ITGB5: variants seen among roughly 807,000 people sequenced by gnomAD.
ITGB5 encodes the protein integrin beta-5.
A neutral mutation model predicts 84.8 loss-of-function variants in ITGB5; 38 were observed. That is an observed-to-expected ratio of 0.45 (90% CI 0.35 to 0.59). The LOEUF (loss-of-function observed/expected upper bound fraction) is 0.59, where lower values mean the gene tolerates loss of function less well. ITGB5 is among the 20% of genes least tolerant of loss of function. ITGB5 has a pLI of 0.01. For synonymous variants in ITGB5, 393 were observed against 414.4 expected, an observed-to-expected ratio of 0.95 and a Z score of 0.63; for missense variants, 905 against 1,034.5, an observed-to-expected ratio of 0.87 and a Z score of 1.72.
intron 1 of ITGB5, among the ~76,000 whole-genome samples, chr3:124,899,853 C>CAAA (rs60859904): frequency 0.029 from 1,014 of 35,004 alleles, 412 homozygotes; most frequent in African/African-American, 0.034. Flanking sequence ...GACCCTGTCT[C>CAAA]AAAAAAAAAA....
At chr3:124,850,483 G>A (rs1469988320) in intron 3 of ITGB5, among the ~76,000 whole-genome samples, 2 of 143,508 alleles carry the variant, frequency 1.4e-5, no homozygotes, top group African/African-American at 5.2e-5. Context: ...ACTGTTCTAG[G>A]CGCCTCAGGA....
intron 5 of ITGB5, among the ~76,000 whole-genome samples, chr3:124,825,313 C>T (rs915556128): frequency 6.6e-6 from 1 of 151,954 alleles, no homozygotes; most frequent in African/African-American, 2.4e-5. Flanking sequence ...GTTACATATA[C>T]ACTTACTATC....
rs2063806105 is a variant in ITGB5 at position 124,769,070 on chromosome 3, T to C, written c.1960A>G (p.Asn654Asp). The C allele has an allele frequency of 6.2e-7, 1 of 1,614,054 alleles. No homozygotes were observed. The highest frequency in any genetic ancestry group is 8.5e-7 in the Non-Finnish European group (1 of 1,180,022). ...CLLLHSGKPDNQTCHSLCRDE... is the reference protein window; with the variant it reads ...CLLLHSGKPDDQTCHSLCRDE... Reference sequence around the variant, plus strand: ...CTGCATAGGCTGTGGCAGGTCTGGTTGTCAGGTTTCCCAGAGTGGAGCAGC... The same window carrying C: ...CTGCATAGGCTGTGGCAGGTCTGGTCGTCAGGTTTCCCAGAGTGGAGCAGC... Residue 654 changes from asparagine (N) to aspartate (D), a missense_variant, in exon 12 of 15, where the codon AAC (asparagine) becomes GAC (aspartate). Asn to Asp is a conservative substitution (Grantham distance 23). This residue lies in a region of ITGB5 where 116 missense variants were observed against 177.0 expected (regional missense o/e 0.66). Coordinates refer to ENST00000296181, the MANE Select transcript of ITGB5 (RefSeq NM_002213.5).
At chr3:124,820,443 G>A (rs1322222629) in intron 6 of ITGB5, among the ~76,000 whole-genome samples, 1 of 152,202 alleles carries the variant, frequency 6.6e-6, no homozygotes, top group African/African-American at 2.4e-5. Flanking sequence ...AGTGTCCTGA[G>A]GGATTTTGAG....
At chr3:124,880,806 G>A (rs1934531017) in intron 1 of ITGB5, among the ~76,000 whole-genome samples, 1 of 151,746 alleles carries the variant, frequency 6.6e-6, no homozygotes, top group Non-Finnish European at 1.5e-5. Flanking sequence ...GCACGTGCCT[G>A]TGATCCCAGC....
At chr3:124,823,039 C>T (rs1391766222) in intron 5 of ITGB5, among the ~76,000 whole-genome samples, 2 of 151,974 alleles carry the variant, frequency 1.3e-5, no homozygotes, top group African/African-American at 4.8e-5. Context: ...GGTGAGAGGA[C>T]GGCATGAGGC....
At chr3:124,837,720 G>A (rs1001558495) in intron 5 of ITGB5, among the ~76,000 whole-genome samples, 1 of 152,226 alleles carries the variant, frequency 6.6e-6, no homozygotes, top group Non-Finnish European at 1.5e-5. Flanking sequence ...AATCCCACAA[G>A]TTGATAACTA....
chr3:124,804,989 CCTTCT>C (rs1306463734), intron 9 of ITGB5, among the ~76,000 whole-genome samples: 2 of 151,398 alleles, frequency 1.3e-5, no homozygotes, highest in East Asian at 3.9e-4. Flanking sequence ...TTCCTTCCTT[CCTTCT>C]TTCTTTTTCT....
intron 3 of ITGB5, among the ~76,000 whole-genome samples, chr3:124,858,769 T>A (rs2065254841): frequency 6.6e-6 from 1 of 152,098 alleles, no homozygotes; most frequent in Non-Finnish European, 1.5e-5. Context: ...GCTCCCTGAT[T>A]TAAACAAAAT....
intron 1 of ITGB5, among the ~76,000 whole-genome samples, chr3:124,882,987 A>G (rs1559986807): frequency 1.3e-5 from 2 of 152,196 alleles, no homozygotes; most frequent in Non-Finnish European, 2.9e-5. Flanking sequence ...ATTCCTTTAC[A>G]TTTATAGAGG....
chr3:124,876,676 G>A (rs938618155), intron 1 of ITGB5, among the ~76,000 whole-genome samples: 1 of 152,182 alleles, frequency 6.6e-6, no homozygotes, highest in Admixed American at 6.5e-5. Flanking sequence ...CAGGGGGTGA[G>A]AACAAAGGTT....
intron 9 of ITGB5, among the ~76,000 whole-genome samples, chr3:124,799,203 C>T (rs534704801): frequency 6.6e-6 from 1 of 152,182 alleles, no homozygotes; most frequent in Non-Finnish European, 1.5e-5. Context: ...TACAGGGAGT[C>T]TCTCAAGGTG....
chr3:124,768,795 G>A (rs895900062), intron 12 of ITGB5, among the ~76,000 whole-genome samples: 3 of 152,154 alleles, frequency 2.0e-5, no homozygotes, highest in Non-Finnish European at 4.4e-5. Context: ...GTGATTCTAC[G>A]TTTGACTTTT....
intron 10 of ITGB5, among the ~76,000 whole-genome samples, chr3:124,776,986 A>G (rs542643411): frequency 6.0e-5 from 9 of 150,066 alleles, no homozygotes; most frequent in African/African-American, 2.2e-4. Flanking sequence ...GCTGCTCTTC[A>G]TTTCCCCTGG....
intron 9 of ITGB5, among the ~76,000 whole-genome samples, chr3:124,802,919 A>G (rs1323067496): frequency 6.6e-6 from 1 of 152,084 alleles, no homozygotes; most frequent in Non-Finnish European, 1.5e-5. Flanking sequence ...CAAGACAACA[A>G]CACTGGGACA....
chr3:124,809,234 G>A (rs964338937), intron 8 of ITGB5, 78 bp from the exon 9 acceptor site: 1 of 1,519,848 alleles, frequency 6.6e-7, no homozygotes, highest in Non-Finnish European at 9.0e-7. Context: ...GTTTTCTGAG[G>A]CCCACGTGGC....
At position 124,817,781 on chromosome 3, in the gene ITGB5, T is replaced by C. The variant is rs567831317; in HGVS notation, c.1039-71A>G. The C allele has an allele frequency of 3.5e-3, 2,955 of 848,814 alleles. 13 individuals are homozygous for C. The highest frequency in any genetic ancestry group is 4.0e-3 in the Non-Finnish European group (2,048 of 508,920). The allele number at this position is 848,814 out of a possible 1,614,324, so 52.6% of individuals were successfully genotyped here. On this transcript the variant is annotated intron_variant, in intron 7 of 14. Coordinates refer to ENST00000296181, the MANE Select transcript of ITGB5 (RefSeq NM_002213.5). ...CCAACCATCAGAGTGAGCATTGCTA[T>C]ACTGGGCTAGAACAGTAAAGGCTCC...
At chr3:124,891,593 CAAAAAAA>C, upstream of ITGB5, among the ~76,000 whole-genome samples, 1 of 103,716 alleles carries the variant, frequency 9.6e-6, no homozygotes, top group East Asian at 2.6e-4. Context: ...ATAACTGCCT[CAAAAAAA>C]AAAAAAAAAA....
At chr3:124,768,528 G>A (rs59777522) in intron 12 of ITGB5, among the ~76,000 whole-genome samples, 7,621 of 152,116 alleles carry the variant, frequency 0.05, 427 homozygotes, top group African/African-American at 0.13. Context: ...CTTTTGCTCC[G>A]CACTGTGGTC....
Sources: allele counts gnomAD v4.1 joint callset (sites outside exome capture counted in the v4.1 genomes callset), GRCh38; gene constraint gnomAD v4.1.1; regional missense constraint gnomAD v4.1.1; transcripts MANE v1.5; gene names NCBI Gene and HGNC (gene_info 2026-07-23, HGNC 2026-07-21).